MAPT: variants seen among roughly 807,000 people sequenced by gnomAD.
MAPT encodes the protein microtubule-associated protein tau.
MAPT carries 34 observed loss-of-function variants against 67.9 expected under a neutral mutation model. The observed-to-expected ratio is 0.50, with a 90% CI of 0.38 to 0.67. The LOEUF (loss-of-function observed/expected upper bound fraction) is 0.67. Ranked by LOEUF, MAPT falls within the 30% of genes least tolerant of loss-of-function variation. MAPT has a pLI of 0.00. For missense variants in MAPT, 881 were observed against 1,115.2 expected (o/e 0.79, Z 2.99); for synonymous variants, 456 against 464.5 (o/e 0.98, Z 0.23).
chr17:45,927,538 C>T (rs933563878), intron 1 of MAPT, among the ~76,000 whole-genome samples: 6 of 152,166 alleles, frequency 3.9e-5, no homozygotes, highest in African/African-American at 1.4e-4. Flanking sequence ...CATATCTCCA[C>T]CTCTCCCACT....
chr17:46,018,595 C>G (rs751993173), intron 11 of MAPT, 23 bp from the exon 12 acceptor site: 4 of 1,493,964 alleles, frequency 2.7e-6, no homozygotes, highest in Non-Finnish European at 3.7e-6. Flanking sequence ...TGGCAAGATG[C>G]TCTTGTGTGT....
At chr17:45,905,431 A>G (rs1472386472) in intron 1 of MAPT, among the ~76,000 whole-genome samples, 6 of 152,166 alleles carry the variant, frequency 3.9e-5, no homozygotes, top group Admixed American at 6.5e-5. Flanking sequence ...ATCCCTTTCA[A>G]TGTCATTAAG....
At position 46,018,671 on chromosome 17, in the gene MAPT, C is replaced by T; in HGVS notation, c.2227C>T (p.Gln743Ter). ...SEKLDFKDRVQSKIGSLDNIT... is the reference protein window; with the variant it reads ...SEKLDFKDRV ...GAAGCTTGACTTCAAGGACAGAGTCCAGTCGAAGATTGGGTCCCTGGACAA... is the reference window on the plus strand; with the variant it reads ...GAAGCTTGACTTCAAGGACAGAGTCTAGTCGAAGATTGGGTCCCTGGACAA... The change falls in exon 12 of 13, where the codon CAG (glutamine) becomes TAG (stop). Residue 743 changes from glutamine to a stop codon, truncating the protein, a stop_gained. Coordinates refer to ENST00000262410, the MANE Select transcript of MAPT (RefSeq NM_001377265.1). LOFTEE classifies it high-confidence loss of function. The T allele has an allele frequency of 6.2e-7, 1 of 1,614,160 alleles. No individual in the cohort carries two copies. Among genetic ancestry groups the T allele is most frequent in the South Asian group, 1.1e-5 (1 of 91,080 alleles).
chr17:45,910,748 T>G (rs1049564060), intron 1 of MAPT: 4 of 150,260 alleles, frequency 2.7e-5, no homozygotes, highest in Admixed American at 2.0e-4. Flanking sequence ...ACTGTAGTCA[T>G]GGGGGCAGGA....
chr17:45,914,867 C>T (rs55788678), intron 1 of MAPT, among the ~76,000 whole-genome samples: 21,717 of 151,444 alleles, frequency 0.14, 2,111 homozygotes, highest in Middle Eastern at 0.22. Context: ...ACTATAGGCA[C>T]GCATACCACC....
rs372416480 is a variant in MAPT, at chr17:46,011,268, C to T, written c.2091+866C>T. Among the ~76,000 whole-genome samples the T allele has an allele frequency of 3.9e-5, 6 of 152,066 alleles. No individual in the cohort carries two copies. The East Asian group carries it at 9.7e-4, about 24-fold the overall frequency. ...AAAATTAGCCAGGTGTGGTGGCACG[C>T]ACCTGTAGTCCCAGCTACTTGGGAG... On this transcript the variant is annotated intron_variant, in intron 10 of 12. Transcript: ENST00000262410.
intron 3 of MAPT, chr17:45,975,924 C>A (rs1475363342): frequency 6.7e-6 from 1 of 149,834 alleles, no homozygotes; most frequent in African/African-American, 2.4e-5. Flanking sequence ...TCCATGGGGA[C>A]CTTATTTGAA....
At chr17:45,969,481 A>G (rs2145426572) in intron 2 of MAPT, among the ~76,000 whole-genome samples, 1 of 148,298 alleles carries the variant, frequency 6.7e-6, no homozygotes, top group African/African-American at 2.5e-5. Context: ...CATCCATCCC[A>G]TCATCCATCC....
intron 8 of MAPT, among the ~76,000 whole-genome samples, chr17:45,994,976 C>T (rs531403163): frequency 6.6e-6 from 1 of 152,098 alleles, no homozygotes; most frequent in East Asian, 1.9e-4. Flanking sequence ...TGATCCCATG[C>T]AGCGGAGGTT....
rs866725170 is a variant in MAPT at position 45,941,664 on chromosome 17, C to A, written c.-17-20657C>A. On this transcript the variant is annotated intron_variant, in intron 1 of 12. Transcript: ENST00000262410. Reference sequence around the variant, plus strand: ...CCTCCTTCCCCCCTTCCACCCTTCCCCCCTTCCCCCCTTCCCTCCTTCCTT... The same window carrying A: ...CCTCCTTCCCCCCTTCCACCCTTCCACCCTTCCCCCCTTCCCTCCTTCCTT... Among the ~76,000 whole-genome samples the A allele has an allele frequency of 4.1e-3, 380 of 92,298 alleles. 7 individuals carry two copies. Among genetic ancestry groups the A allele is most frequent in the African/African-American group, 0.011 (223 of 20,000 alleles). The allele number at this position is 92,298 out of a possible 152,430, so 60.6% of individuals were successfully genotyped here. A position where few individuals can be genotyped will look rare whatever the true frequency, so the allele number is the denominator to read the frequency against.
intron 2 of MAPT, among the ~76,000 whole-genome samples, chr17:45,967,846 T>TC (rs1211099567): frequency 6.6e-6 from 1 of 151,994 alleles, no homozygotes; most frequent in East Asian, 1.9e-4. Context: ...AATTCTGTGC[T>TC]CCCCCATCCT....
At chr17:45,975,004 C>T (rs1030953393) in intron 3 of MAPT, 1 of 158,108 alleles carries the variant, frequency 6.3e-6, no homozygotes, top group African/African-American at 2.4e-5. Context: ...CAAACGTATT[C>T]ATGTAGAACA....
chr17:45,999,235 C>A, intron 9 of MAPT: 1 of 1,587,826 alleles, frequency 6.3e-7, no homozygotes, highest in Non-Finnish European at 8.6e-7. Flanking sequence ...CCCCTGTAAA[C>A]TCTGACCACA....
intron 1 of MAPT, among the ~76,000 whole-genome samples, chr17:45,950,789 A>C (rs1450307365): frequency 6.6e-6 from 1 of 151,930 alleles, no homozygotes; most frequent in Admixed American, 6.6e-5. Context: ...CAGCCTCCCG[A>C]GTAGCTGAGA....
At chr17:45,910,255 A>G (rs1453402660) in intron 1 of MAPT, among the ~76,000 whole-genome samples, 1 of 152,132 alleles carries the variant, frequency 6.6e-6, no homozygotes, top group Non-Finnish European at 1.5e-5. Context: ...TACAGTTTAT[A>G]TGATCTCATT....
chr17:45,944,090 T>C (rs1273880442), intron 1 of MAPT, among the ~76,000 whole-genome samples: 1 of 152,176 alleles, frequency 6.6e-6, no homozygotes, highest in Non-Finnish European at 1.5e-5. Flanking sequence ...CTCGCATCAG[T>C]CCAGAATATG....
At chr17:45,909,025 G>A (rs1233068253) in intron 1 of MAPT, among the ~76,000 whole-genome samples, 1 of 152,202 alleles carries the variant, frequency 6.6e-6, no homozygotes, top group African/African-American at 2.4e-5. Flanking sequence ...CATCAGTCCT[G>A]GCCCCGAGCA....
chr17:45,963,399 T>C (rs1221323240), intron 2 of MAPT, among the ~76,000 whole-genome samples: 1 of 152,098 alleles, frequency 6.6e-6, no homozygotes, highest in Non-Finnish European at 1.5e-5. Flanking sequence ...GCCAGGTTGG[T>C]CCAAGGGTTG....
In MAPT at chr17:45,983,455, G is replaced by A; in HGVS notation, c.876G>A (p.Glu292=). ...AAGAGAGGCCGGGGAGCAAGGAGGA[G>A]GTGGATGAAGACCGCGACGTCGATG... The part of the protein sequence containing the change: ...GGKERPGSKE[E]VDEDRDVDES... Residue 292 remains glutamate (E), a synonymous_variant, in exon 5 of 13, where the codon GAG becomes GAA. Transcript: ENST00000262410. The A allele has an allele frequency of 5.6e-6, 9 of 1,607,670 alleles. No individual in the cohort carries two copies. The highest frequency in any genetic ancestry group is 7.7e-6 in the Non-Finnish European group (9 of 1,176,320).
Sources: gnomAD v4.1 joint callset for allele counts (sites outside exome capture counted in the v4.1 genomes callset) on GRCh38, gnomAD v4.1.1 for gene constraint, MANE v1.5 for transcripts, NCBI Gene and HGNC (gene_info 2026-07-23, HGNC 2026-07-21) for gene names.